The following DGKB variants were observed in gnomAD, a reference collection of about 807,000 sequenced individuals.
DGKB encodes 90 kDa diacylglycerol kinase.
In DGKB, 67 loss-of-function variants were observed where a neutral mutation model predicts 114.3. That is an observed-to-expected ratio of 0.59 (90% CI 0.48 to 0.72). DGKB has a LOEUF of 0.72. DGKB is among the 30% of genes least tolerant of loss of function. The pLI is 0.00. For synonymous variants in DGKB, 398 were observed against 323.1 expected (o/e 1.23, Z -2.49); for missense variants, 907 against 975.2 (o/e 0.93, Z 0.93).
At chr7:14,645,321 C>A (rs1189042971) in intron 13 of DGKB, among the ~76,000 whole-genome samples, 1 of 152,118 alleles carries the variant, frequency 6.6e-6, no homozygotes, top group African/African-American at 2.4e-5. Flanking sequence ...AACTGGAAAT[C>A]CTTGAACTGC....
intron 21 of DGKB, among the ~76,000 whole-genome samples, chr7:14,351,111 G>A (rs34437235): frequency 0.029 from 4,433 of 152,286 alleles, 220 homozygotes; most frequent in African/African-American, 0.1. Flanking sequence ...AATGGGAAAG[G>A]TTGACTTATA....
At chr7:14,424,087 C>T (rs1333877079) in intron 21 of DGKB, among the ~76,000 whole-genome samples, 1 of 152,068 alleles carries the variant, frequency 6.6e-6, no homozygotes, top group Non-Finnish European at 1.5e-5. Flanking sequence ...CCATTTAAAT[C>T]CTTACTCTCT....
chr7:14,877,133 C>T (rs1853411962), intron 1 of DGKB, among the ~76,000 whole-genome samples: 1 of 152,200 alleles, frequency 6.6e-6, no homozygotes, highest in Non-Finnish European at 1.5e-5. Flanking sequence ...AGTTTTATAA[C>T]TATATACCAC....
intron 20 of DGKB, among the ~76,000 whole-genome samples, chr7:14,558,097 C>A (rs1796128094): frequency 6.7e-6 from 1 of 150,102 alleles, no homozygotes; most frequent in African/African-American, 2.4e-5. Context: ...TTATATATAT[C>A]TATATGGTTA....
chr7:14,922,943 A>C (rs1784579800), intron 1 of DGKB, among the ~76,000 whole-genome samples: 1 of 152,200 alleles, frequency 6.6e-6, no homozygotes, highest in Non-Finnish European at 1.5e-5. Context: ...TCAATAGAGC[A>C]CTAAAATATA....
chr7:14,242,608 C>T (rs374960804), intron 23 of DGKB, among the ~76,000 whole-genome samples: 12 of 152,192 alleles, frequency 7.9e-5, no homozygotes, highest in South Asian at 2.1e-4. Context: ...CAAATCCTGA[C>T]GGTTGTTCAT....
At chr7:14,452,208 C>T (rs1366879779) in intron 21 of DGKB, among the ~76,000 whole-genome samples, 1 of 151,852 alleles carries the variant, frequency 6.6e-6, no homozygotes, top group Non-Finnish European at 1.5e-5. Flanking sequence ...ATAATTTATA[C>T]AAAAGCAATT....
At chr7:14,279,311 G>C (rs1487171643) in intron 23 of DGKB, among the ~76,000 whole-genome samples, 1 of 152,172 alleles carries the variant, frequency 6.6e-6, no homozygotes, top group Non-Finnish European at 1.5e-5. Context: ...GGGGAGGGGC[G>C]CCCACCATTG....
At chr7:14,304,037 T>G (rs1309512512) in intron 23 of DGKB, among the ~76,000 whole-genome samples, 1 of 119,138 alleles carries the variant, frequency 8.4e-6, no homozygotes, top group African/African-American at 3.1e-5. Context: ...ACACCATTTG[T>G]TCTTATAGAA....
At chr7:14,973,584 C>A (rs1198344887) in intron 1 of DGKB, among the ~76,000 whole-genome samples, 1 of 143,894 alleles carries the variant, frequency 6.9e-6, no homozygotes, top group African/African-American at 2.5e-5. Flanking sequence ...ACACTCAGAA[C>A]AACACACCCT....
intron 20 of DGKB, among the ~76,000 whole-genome samples, chr7:14,543,740 G>C (rs1020412461): frequency 6.6e-6 from 1 of 152,106 alleles, no homozygotes; most frequent in Non-Finnish European, 1.5e-5. Context: ...CAGAAATTTT[G>C]TTATGGCCAC....
At chr7:14,424,173 C>T (rs1827152860) in intron 21 of DGKB, among the ~76,000 whole-genome samples, 1 of 152,054 alleles carries the variant, frequency 6.6e-6, no homozygotes, top group African/African-American at 2.4e-5. Flanking sequence ...ACCAAATCAT[C>T]ATCACTATCT....
chr7:14,627,379 G>A (rs1476563073), intron 14 of DGKB, among the ~76,000 whole-genome samples: 1 of 151,970 alleles, frequency 6.6e-6, no homozygotes, highest in Non-Finnish European at 1.5e-5. Context: ...ATAAGTCCCG[G>A]TTTTCACACA....
At chr7:14,286,323 A>G (rs1800866441) in intron 23 of DGKB, among the ~76,000 whole-genome samples, 2 of 152,138 alleles carry the variant, frequency 1.3e-5, no homozygotes, top group South Asian at 4.1e-4. Flanking sequence ...ATAACTGAAG[A>G]CACGCCATAT....
At chr7:14,370,101 T>C (rs1256197698) in intron 21 of DGKB, among the ~76,000 whole-genome samples, 1 of 152,220 alleles carries the variant, frequency 6.6e-6, no homozygotes, top group Non-Finnish European at 1.5e-5. Flanking sequence ...AAGTCTTTAA[T>C]CCATCTTGAG....
At chr7:14,347,363 G>A (rs561189821) in intron 21 of DGKB, among the ~76,000 whole-genome samples, 4 of 152,036 alleles carry the variant, frequency 2.6e-5, no homozygotes, top group South Asian at 4.1e-4. Context: ...TTGTACAGCC[G>A]TTATGGAAAA....
chr7:14,429,586 T>A (rs1023496313), intron 21 of DGKB, among the ~76,000 whole-genome samples: 1 of 152,162 alleles, frequency 6.6e-6, no homozygotes, highest in Admixed American at 6.5e-5. Flanking sequence ...TGATCTCCTC[T>A]TCACTCTGCG....
In DGKB at chr7:14,952,625, G is replaced by A. The variant is rs192574479; in HGVS notation, c.-188+22071C>T. Among the ~76,000 whole-genome samples the A allele has an allele frequency of 1.8e-4, 28 of 151,820 alleles. No homozygotes were observed. In the East Asian group the frequency reaches 3.5e-3, roughly 19 times the overall value. On this transcript the variant is annotated intron_variant, in intron 1 of 4. Coordinates refer to the DGKB transcript ENST00000437998. ...ACAAAAATTAGCCAGGCATGGTGGC[G>A]CACGTCTCTAATGCCAGCTACTCAG... is the stretch of plus-strand genomic sequence containing the variant.
intron 20 of DGKB, among the ~76,000 whole-genome samples, chr7:14,497,095 C>A (rs528748849): frequency 2.0e-5 from 3 of 151,734 alleles, no homozygotes; most frequent in Admixed American, 1.3e-4. Flanking sequence ...AATCAAAAAC[C>A]AAATACGCAT....
Sources: gnomAD v4.1 joint callset for allele counts (sites outside exome capture counted in the v4.1 genomes callset) on GRCh38, gnomAD v4.1.1 for gene constraint, MANE v1.5 for transcripts, NCBI Gene and HGNC (gene_info 2026-07-23, HGNC 2026-07-21) for gene names.